The following KLHL29 variants were observed in gnomAD, a reference collection of about 807,000 sequenced individuals.
KLHL29 encodes the protein kelch like family member 29.
Under a neutral mutation model 80.4 loss-of-function variants are expected in KLHL29, and 21 were observed. The observed-to-expected ratio is 0.26, with a 90% CI of 0.19 to 0.38. The LOEUF (loss-of-function observed/expected upper bound fraction) is 0.38. KLHL29 is among the 10% of genes least tolerant of loss of function. KLHL29 has a pLI of 1.00. For missense variants in KLHL29, 867 were observed against 1,223.9 expected, an observed-to-expected ratio of 0.71 and a Z score of 4.35; for synonymous variants, 511 against 526.8, an observed-to-expected ratio of 0.97 and a Z score of 0.41.
chr2:23,642,615 G>A lies in KLHL29; in HGVS notation c.705G>A (p.Val235=), dbSNP rs1479026477. 5 of 1,549,878 alleles carry A rather than the reference G, an allele frequency of 3.2e-6. No homozygotes were observed. The Admixed American group carries it at 7.8e-5, about 24-fold the overall frequency. The stretch of plus-strand genomic sequence containing the variant: ...ATGCCAGCCCTCAGCCCCTGGCCGT[G>A]TCCACACTGCCCGGTGTGGGGCAGG... ...ALYASPQPLA[V]STLPGVGQVA... Residue 235 remains valine, a synonymous_variant, in exon 5 of 14, where the codon GTG becomes GTA. Coordinates refer to ENST00000486442, the MANE Select transcript of KLHL29 (RefSeq NM_052920.2).
rs188567360 is a variant in KLHL29 at position 23,551,684 on chromosome 2, C to T, written c.-45-10468C>T. The stretch of plus-strand genomic sequence containing the variant: ...TCTAGGGAGTCAGAATGCCTGGATC[C>T]TAGGGCCGAATCCAGGCCTGCTAAC... On this transcript the variant is annotated intron_variant, in intron 2 of 13. Transcript: ENST00000486442. 1.4e-3 allele frequency among the ~76,000 whole-genome samples: 215 copies of T among 152,328 alleles called. 1 individual carries two copies. The highest frequency in any genetic ancestry group is 3.4e-3 in the Middle Eastern group (1 of 294).
intron 3 of KLHL29, among the ~76,000 whole-genome samples, chr2:23,589,266 A>G (rs954580525): frequency 1.3e-5 from 2 of 152,166 alleles, no homozygotes; most frequent in African/African-American, 2.4e-5. Flanking sequence ...GGAAATATTG[A>G]TTTTGCTGTT....
intron 2 of KLHL29, among the ~76,000 whole-genome samples, 198 bp downstream of exon 2, chr2:23,475,865 A>G (rs758357855): frequency 2.0e-5 from 3 of 152,138 alleles, no homozygotes; most frequent in African/African-American, 4.8e-5. Flanking sequence ...TTTAGCCTCA[A>G]TCCTCCTAGA....
intron 2 of KLHL29, among the ~76,000 whole-genome samples, chr2:23,548,070 C>A (rs1409970395): frequency 5.4e-3 from 1 of 186 alleles, no homozygotes; most frequent in Non-Finnish European, 0.011. Flanking sequence ...CGGACTATGT[C>A]AAGCCGAGGC....
At chr2:23,433,491 G>A (rs1334781465) in intron 1 of KLHL29, among the ~76,000 whole-genome samples, 1 of 150,876 alleles carries the variant, frequency 6.6e-6, no homozygotes, top group Non-Finnish European at 1.5e-5. Context: ...CAGGTGTCCT[G>A]GCACCTGTGG....
intron 13 of KLHL29, among the ~76,000 whole-genome samples, chr2:23,705,521 C>T (rs1329119935): frequency 4.0e-5 from 6 of 151,510 alleles, no homozygotes; most frequent in East Asian, 3.9e-4. Flanking sequence ...AAAGACTTAA[C>T]GGCAAATGGC....
At chr2:23,609,942 A>G (rs1293007197) in intron 3 of KLHL29, among the ~76,000 whole-genome samples, 1 of 152,124 alleles carries the variant, frequency 6.6e-6, no homozygotes. Context: ...CATGGTCCAC[A>G]CTACTGTCTT....
chr2:23,671,513 G>C lies in KLHL29; in HGVS notation c.941-12886G>C, dbSNP rs558685916. ...TTGGGTTTGCATCTGTGGCTGTTGGGCTCCTCATCCCTTATGGAGGAATAC... is the reference window on the plus strand; with the variant it reads ...TTGGGTTTGCATCTGTGGCTGTTGGCCTCCTCATCCCTTATGGAGGAATAC... On this transcript the variant is annotated intron_variant, in intron 5 of 13. Coordinates refer to ENST00000486442, the MANE Select transcript of KLHL29 (RefSeq NM_052920.2). 3.9e-5 allele frequency among the ~76,000 whole-genome samples: 6 copies of C among 152,326 alleles called. No individual in the cohort carries two copies. In the East Asian group the frequency reaches 5.8e-4, roughly 15 times the overall value.
In KLHL29 at chr2:23,596,457, G is replaced by T. The variant is rs1668396172; in HGVS notation, c.285+33976G>T. Among the ~76,000 whole-genome samples, 1 of 152,178 alleles carries T rather than the reference G, an allele frequency of 6.6e-6. No homozygotes were observed. The highest frequency in any genetic ancestry group is 6.5e-5 in the Admixed American group (1 of 15,282). ...GTTTCATAAGCGCACTCACGTTGGA[G>T]CAGAACAGAGTCACTAGGAGGCTCG... On this transcript the variant is annotated intron_variant, in intron 3 of 13. Coordinates refer to ENST00000486442, the MANE Select transcript of KLHL29 (RefSeq NM_052920.2). The surrounding 1 kb of genome is among the most constrained non-coding windows in gnomAD (Gnocchi z 4.4).
intron 1 of KLHL29, among the ~76,000 whole-genome samples, chr2:23,449,782 G>A (rs942472866): frequency 2.6e-5 from 4 of 152,080 alleles, no homozygotes; most frequent in Non-Finnish European, 4.4e-5. Flanking sequence ...CCTCTCCAAT[G>A]GCCCATACAA....
chr2:23,675,558 A>G (rs1670897537), intron 5 of KLHL29, among the ~76,000 whole-genome samples: 1 of 152,222 alleles, frequency 6.6e-6, no homozygotes, highest in Non-Finnish European at 1.5e-5. Flanking sequence ...CAAAGCTTGG[A>G]GAGAACCCTG....
chr2:23,558,075 G>A (rs939254684), intron 2 of KLHL29, among the ~76,000 whole-genome samples: 4 of 152,160 alleles, frequency 2.6e-5, no homozygotes, highest in African/African-American at 9.7e-5. Context: ...GTCTGGAAGT[G>A]GTCTCCATCA....
At chr2:23,497,698 T>G (rs550506628) in intron 2 of KLHL29, among the ~76,000 whole-genome samples, 7 of 151,946 alleles carry the variant, frequency 4.6e-5, no homozygotes, top group Non-Finnish European at 8.8e-5. Flanking sequence ...AGCCTTAAGC[T>G]CTTTGGAGGA....
intron 1 of KLHL29, among the ~76,000 whole-genome samples, chr2:23,399,995 C>T (rs77236750): frequency 3.6e-4 from 55 of 152,286 alleles, no homozygotes; most frequent in Non-Finnish European, 6.2e-4. Flanking sequence ...GTTTGGAGAC[C>T]GCTGACAGTG....
intron 3 of KLHL29, among the ~76,000 whole-genome samples, chr2:23,609,005 CT>C (rs1369572580): frequency 6.6e-6 from 1 of 152,186 alleles, no homozygotes; most frequent in Non-Finnish European, 1.5e-5. Context: ...AGTATGAGAG[CT>C]CATTCGAGAA....
intron 2 of KLHL29, among the ~76,000 whole-genome samples, chr2:23,504,437 A>T (rs1342205020): frequency 1.3e-5 from 2 of 152,184 alleles, no homozygotes; most frequent in African/African-American, 4.8e-5. Flanking sequence ...CCATGGGGTC[A>T]GAGGCCTGGA....
intron 3 of KLHL29, among the ~76,000 whole-genome samples, chr2:23,590,526 G>T (rs1295937192): frequency 6.6e-6 from 1 of 152,182 alleles, no homozygotes; most frequent in Non-Finnish European, 1.5e-5. Context: ...AGCAAGGATG[G>T]ATTTATTCCT....
chr2:23,684,195 A>G lies in KLHL29; in HGVS notation c.941-204A>G, dbSNP rs1037654975. On this transcript the variant is annotated intron_variant, in intron 5 of 13. Coordinates refer to ENST00000486442, the MANE Select transcript of KLHL29 (RefSeq NM_052920.2). The surrounding 1 kb of genome is among the most constrained non-coding windows in gnomAD (Gnocchi z 4.4). Reference sequence around the variant, plus strand: ...TTTTAAAGTTGTGATTCCTTTGGTTATTAGCCCCTCCCAGTGGCTGCTTGT... The same window carrying G: ...TTTTAAAGTTGTGATTCCTTTGGTTGTTAGCCCCTCCCAGTGGCTGCTTGT... Among the ~76,000 whole-genome samples, 1 of 152,026 alleles carries G rather than the reference A, an allele frequency of 6.6e-6. No homozygotes were observed. The highest frequency in any genetic ancestry group is 1.5e-5 in the Non-Finnish European group (1 of 68,004).
intron 2 of KLHL29, among the ~76,000 whole-genome samples, chr2:23,517,905 G>A (rs1273977415): frequency 1.3e-5 from 2 of 152,182 alleles, no homozygotes; most frequent in Non-Finnish European, 2.9e-5. Flanking sequence ...GATGGAGAGT[G>A]AAGTAGGTAT....
Sources: allele counts gnomAD v4.1 joint callset (sites outside exome capture counted in the v4.1 genomes callset), GRCh38; gene constraint gnomAD v4.1.1; non-coding constraint Gnocchi (gnomAD v3.1); transcripts MANE v1.5; gene names NCBI Gene and HGNC (gene_info 2026-07-23, HGNC 2026-07-21).